The following SCNN1B variants were observed in gnomAD, a reference collection of about 807,000 sequenced individuals.
SCNN1B encodes the protein epithelial sodium channel subunit beta.
In SCNN1B, 46 loss-of-function variants were observed where a neutral mutation model predicts 65.3. That is an observed-to-expected ratio of 0.70 (90% CI 0.56 to 0.90). The LOEUF (loss-of-function observed/expected upper bound fraction) is 0.90. Among genes scored for constraint, SCNN1B ranks in the 40% least tolerant of loss-of-function variants. The pLI, the probability that SCNN1B is intolerant of heterozygous loss-of-function variation, is 0.00. For missense variants in SCNN1B, 751 were observed against 830.5 expected (o/e 0.90, Z 1.18); for synonymous variants, 349 against 330.6 (o/e 1.06, Z -0.60).
chr16:23,368,018 G>A (rs1962707703), intron 5 of SCNN1B, 59 bp downstream of exon 5: 2 of 1,284,080 alleles, frequency 1.6e-6, no homozygotes, highest in Non-Finnish European at 2.3e-6. Context: ...CCCACAATGT[G>A]GGACTGAAAG....
chr16:23,316,203 T>C (rs1302708585), intron 1 of SCNN1B, among the ~76,000 whole-genome samples: 5 of 145,708 alleles, frequency 3.4e-5, no homozygotes, highest in Non-Finnish European at 6.0e-5. Flanking sequence ...ATCATCACCA[T>C]CACCATCCTC....
At chr16:23,299,059 CTTT>C (rs552336545), upstream of SCNN1B, among the ~76,000 whole-genome samples, 1 of 130,552 alleles carries the variant, frequency 7.7e-6, no homozygotes, top group African/African-American at 2.8e-5. Context: ...TTTTCTTTTT[CTTT>C]TTTTTTTTTT....
chr16:23,328,035 G>A (rs897043556), intron 1 of SCNN1B, among the ~76,000 whole-genome samples: 1 of 152,156 alleles, frequency 6.6e-6, no homozygotes, highest in Non-Finnish European at 1.5e-5. Context: ...TAAGGAAGCC[G>A]CCAAGCATGG....
At chr16:23,376,887 G>C (rs1029043152) in intron 8 of SCNN1B, among the ~76,000 whole-genome samples, 1 of 152,164 alleles carries the variant, frequency 6.6e-6, no homozygotes, top group Non-Finnish European at 1.5e-5. Context: ...CCCACCCTTT[G>C]TTCATGACCC....
At chr16:23,373,950 C>T (rs1388294883) in intron 7 of SCNN1B, among the ~76,000 whole-genome samples, 1 of 152,106 alleles carries the variant, frequency 6.6e-6, no homozygotes, top group Non-Finnish European at 1.5e-5. Context: ...TGGTAGCCAC[C>T]CAGGCCAGAA....
chr16:23,333,889 C>T (rs1023306510), intron 1 of SCNN1B, among the ~76,000 whole-genome samples: 1 of 152,188 alleles, frequency 6.6e-6, no homozygotes, highest in Non-Finnish European at 1.5e-5. Flanking sequence ...TGAGCCCCTT[C>T]CTTAAGGAGA....
At chr16:23,357,390 C>T (rs1962442239) in intron 4 of SCNN1B, among the ~76,000 whole-genome samples, 1 of 152,256 alleles carries the variant, frequency 6.6e-6, no homozygotes, top group Non-Finnish European at 1.5e-5. Flanking sequence ...CGAGACTAGC[C>T]TGGCCAACAT....
intron 2 of SCNN1B, among the ~76,000 whole-genome samples, chr16:23,285,913 G>A (rs1485347881): frequency 6.6e-6 from 1 of 152,268 alleles, no homozygotes; most frequent in East Asian, 1.9e-4. Flanking sequence ...GGCAGAAGTT[G>A]CAGTGAGCCA....
chr16:23,368,053 C>A, intron 5 of SCNN1B, 94 bp downstream of exon 5: 1 of 1,015,344 alleles, frequency 9.8e-7, no homozygotes. Flanking sequence ...CAGGGTGGGA[C>A]TGAGGGGGGA....
At chr16:23,377,005 C>T (rs1161816274) in intron 8 of SCNN1B, among the ~76,000 whole-genome samples, 160 bp from the exon 9 acceptor site, 2 of 152,072 alleles carry the variant, frequency 1.3e-5, no homozygotes, top group African/African-American at 4.8e-5. Context: ...GGCTGGAGGT[C>T]GGGGGCTGGG....
At chr16:23,355,006 C>A (rs1355055707) in intron 3 of SCNN1B, among the ~76,000 whole-genome samples, 1 of 152,170 alleles carries the variant, frequency 6.6e-6, no homozygotes, top group Non-Finnish European at 1.5e-5. Flanking sequence ...GGCTGTGGGT[C>A]ACTTCCAAGA....
At chr16:23,368,516 A>G (rs1305740445) in intron 5 of SCNN1B, among the ~76,000 whole-genome samples, 2 of 152,062 alleles carry the variant, frequency 1.3e-5, no homozygotes, top group Non-Finnish European at 2.9e-5. Context: ...CAGCTCCACC[A>G]TTTACTTGGG....
intron 4 of SCNN1B, among the ~76,000 whole-genome samples, chr16:23,365,620 A>AGAAAGAAAGAAAGAGAAAGAAAGAAAG (rs11399911): frequency 2.5e-5 from 2 of 80,416 alleles, no homozygotes; most frequent in African/African-American, 8.4e-5. Context: ...AAAGAAAGAA[A>AGAAAGAAAGAAAGAGAAAGAAAGAAAG]AAAGAAAGAA....
upstream of SCNN1B, among the ~76,000 whole-genome samples, chr16:23,298,773 T>G (rs917089728): frequency 2.0e-5 from 3 of 152,222 alleles, no homozygotes; most frequent in African/African-American, 7.2e-5. Flanking sequence ...CACAACACTC[T>G]TTGTTCATAG....
intron 2 of SCNN1B, among the ~76,000 whole-genome samples, chr16:23,350,532 T>G (rs8044984): frequency 0.27 from 41,659 of 152,152 alleles, 7,061 homozygotes; most frequent in South Asian, 0.49. Context: ...GCCCCCAGTC[T>G]TGGATACAGC....
At chr16:23,303,335 G>A (rs1961125939) in intron 1 of SCNN1B, among the ~76,000 whole-genome samples, 1 of 152,112 alleles carries the variant, frequency 6.6e-6, no homozygotes, top group East Asian at 1.9e-4. Context: ...GTCCCTGGCA[G>A]CCCAGCTCTC....
chr16:23,323,002 T>C (rs1383226365), intron 1 of SCNN1B, among the ~76,000 whole-genome samples: 1 of 150,520 alleles, frequency 6.6e-6, no homozygotes, highest in African/African-American at 2.5e-5. Flanking sequence ...CTGGCCAACA[T>C]GGTGAAATCC....
intron 11 of SCNN1B, among the ~76,000 whole-genome samples, chr16:23,379,364 G>A (rs1962987609): frequency 1.3e-5 from 2 of 152,176 alleles, no homozygotes; most frequent in Non-Finnish European, 2.9e-5. Context: ...TCAAGGAGAG[G>A]AGGGTCTGTA....
At chr16:23,287,405 G>A (rs1050867887) in intron 2 of SCNN1B, among the ~76,000 whole-genome samples, 1 of 151,998 alleles carries the variant, frequency 6.6e-6, no homozygotes, top group African/African-American at 2.4e-5. Flanking sequence ...CATTTTGAGG[G>A]TGACCGGGGA....
Sources: allele counts gnomAD v4.1 joint callset (sites outside exome capture counted in the v4.1 genomes callset), GRCh38; gene constraint gnomAD v4.1.1; transcripts MANE v1.5; gene names NCBI Gene and HGNC (gene_info 2026-07-23, HGNC 2026-07-21).